Variants in CDH2 observed in about 807,000 individuals in gnomAD.
CDH2 encodes cadherin-2.
CDH2 carries 17 observed loss-of-function variants against 92.0 expected under a neutral mutation model. That is an observed-to-expected ratio of 0.18 (90% CI 0.13 to 0.28). CDH2 has a LOEUF of 0.28. Among genes scored for constraint, CDH2 ranks in the 10% least tolerant of loss-of-function variants. The pLI, the probability that CDH2 is intolerant of heterozygous loss-of-function variation, is 1.00. For missense variants in CDH2, 862 were observed against 1,133.1 expected, an observed-to-expected ratio of 0.76 and a Z score of 3.44; for synonymous variants, 419 against 415.9, an observed-to-expected ratio of 1.01 and a Z score of -0.09.
chr18:28,027,904 T>A (rs1439117970), intron 2 of CDH2, among the ~76,000 whole-genome samples: 18 of 151,848 alleles, frequency 1.2e-4, no homozygotes, highest in Admixed American at 9.2e-4. Context: ...TCACTACCTC[T>A]AATTAAATTA....
intron 8 of CDH2, 41 bp from the exon 9 acceptor site, chr18:27,992,881 C>A: frequency 1.3e-6 from 2 of 1,502,926 alleles, no homozygotes; most frequent in Non-Finnish European, 1.8e-6. Flanking sequence ...GGGGCATGGA[C>A]CACTGAAGGA....
At position 28,105,565 on chromosome 18, in the gene CDH2, A is replaced by G. The variant is rs571327951; in HGVS notation, c.172+42108T>C. On this transcript the variant is annotated intron_variant, in intron 2 of 15. Coordinates refer to ENST00000269141, the MANE Select transcript of CDH2 (RefSeq NM_001792.5). Reference sequence around the variant, plus strand: ...CAATTAAACAGAACATATCAATTATACATAAATTAAAAAATTATTATTATT... The same window carrying G: ...CAATTAAACAGAACATATCAATTATGCATAAATTAAAAAATTATTATTATT... 1.4e-4 allele frequency among the ~76,000 whole-genome samples: 21 copies of G among 152,308 alleles called. 1 individual carries two copies. The highest frequency in any genetic ancestry group is 3.4e-3 in the Middle Eastern group (1 of 294).
chr18:27,960,615 G>A (rs1389708717), intron 15 of CDH2, among the ~76,000 whole-genome samples: 2 of 152,178 alleles, frequency 1.3e-5, no homozygotes, highest in African/African-American at 4.8e-5. Context: ...TACACACAAA[G>A]AGAATCGATG....
At chr18:27,990,936 T>C (rs2012395276) in intron 9 of CDH2, among the ~76,000 whole-genome samples, 1 of 152,200 alleles carries the variant, frequency 6.6e-6, no homozygotes, top group Non-Finnish European at 1.5e-5. Flanking sequence ...ATACTGTTGG[T>C]AGGTGGAAGA....
chr18:28,010,148 G>C (rs2013054150), intron 4 of CDH2, among the ~76,000 whole-genome samples: 1 of 152,172 alleles, frequency 6.6e-6, no homozygotes, highest in African/African-American at 2.4e-5. Flanking sequence ...CTACAAGTGA[G>C]AGTTTTTAAA....
intron 1 of CDH2, among the ~76,000 whole-genome samples, chr18:28,153,285 T>C (rs1232987476): frequency 6.6e-6 from 1 of 152,094 alleles, no homozygotes; most frequent in African/African-American, 2.4e-5. Flanking sequence ...TAGGCAACTG[T>C]TAAGTTATGG....
chr18:28,153,372 G>T (rs1228039860), intron 1 of CDH2, among the ~76,000 whole-genome samples: 2 of 152,062 alleles, frequency 1.3e-5, no homozygotes, highest in Non-Finnish European at 2.9e-5. Context: ...CCAAAATTTG[G>T]TCTCAATAAA....
intron 2 of CDH2, among the ~76,000 whole-genome samples, chr18:28,135,992 G>A (rs1217065981): frequency 6.6e-6 from 1 of 152,144 alleles, no homozygotes; most frequent in African/African-American, 2.4e-5. Context: ...CATAAAACAA[G>A]TATCTGTTGA....
At chr18:28,014,635 T>C (rs1275412151) in intron 2 of CDH2, among the ~76,000 whole-genome samples, 1 of 151,762 alleles carries the variant, frequency 6.6e-6, no homozygotes, top group Non-Finnish European at 1.5e-5. Flanking sequence ...TAAAGGTGTA[T>C]CCCAAAAGAA....
chr18:28,044,387 C>A (rs1363471313), intron 2 of CDH2, among the ~76,000 whole-genome samples: 2 of 152,164 alleles, frequency 1.3e-5, no homozygotes, highest in African/African-American at 4.8e-5. Flanking sequence ...TAAACAATTC[C>A]TTTTGCTTAA....
intron 2 of CDH2, among the ~76,000 whole-genome samples, chr18:28,137,758 T>C (rs1231816850): frequency 6.6e-6 from 1 of 152,046 alleles, no homozygotes; most frequent in Non-Finnish European, 1.5e-5. Flanking sequence ...ATAAATACAT[T>C]CTTAGAAATA....
chr18:28,029,611 C>T (rs1461036506), intron 2 of CDH2, among the ~76,000 whole-genome samples: 1 of 152,088 alleles, frequency 6.6e-6, no homozygotes, highest in African/African-American at 2.4e-5. Context: ...TTTCCTCTTG[C>T]AGAAATGATT....
At chr18:28,007,666 C>G (rs963073247) in intron 5 of CDH2, among the ~76,000 whole-genome samples, 1 of 152,064 alleles carries the variant, frequency 6.6e-6, no homozygotes, top group Non-Finnish European at 1.5e-5. Context: ...AATCTGAATA[C>G]TGAACCTTAA....
At position 28,145,179 on chromosome 18, in the gene CDH2, A is replaced by C. The variant is rs114638391; in HGVS notation, c.172+2494T>G. On this transcript the variant is annotated intron_variant, in intron 2 of 15. Transcript: ENST00000269141. ...TGTATCCTAAGAATGTATATTGTAC[A>C]TACTGGTGAGCCATTGTCATCCTGT... Among the ~76,000 whole-genome samples the C allele has an allele frequency of 4.3e-3, 654 of 152,220 alleles. 2 individuals carry two copies. The highest frequency in any genetic ancestry group is 0.015 in the African/African-American group (630 of 41,560).
At chr18:27,977,341 G>T (rs17445742) in intron 14 of CDH2, among the ~76,000 whole-genome samples, 9,710 of 152,108 alleles carry the variant, frequency 0.064, 360 homozygotes, top group South Asian at 0.1. Flanking sequence ...TAAGAAAAAA[G>T]ATATCGGAGT....
intron 2 of CDH2, among the ~76,000 whole-genome samples, chr18:28,128,014 T>C (rs956843508): frequency 5.3e-5 from 8 of 152,174 alleles, no homozygotes; most frequent in African/African-American, 1.9e-4. Context: ...AGATGATCCA[T>C]TGATCATGAC....
At chr18:28,162,322 T>C (rs2016317923) in intron 1 of CDH2, among the ~76,000 whole-genome samples, 1 of 152,136 alleles carries the variant, frequency 6.6e-6, no homozygotes, top group Non-Finnish European at 1.5e-5. Flanking sequence ...CCTCATGTAC[T>C]TAGGGGAGCA....
chr18:28,038,251 C>T (rs1470494851), intron 2 of CDH2, among the ~76,000 whole-genome samples: 6 of 152,088 alleles, frequency 3.9e-5, no homozygotes, highest in African/African-American at 7.2e-5. Context: ...GGCAAAACTC[C>T]GTATCTACCA....
chr18:27,957,404 C>G (rs1208156928), intron 15 of CDH2, among the ~76,000 whole-genome samples: 1 of 148,094 alleles, frequency 6.8e-6, no homozygotes, highest in East Asian at 2.0e-4. Context: ...TGCCTGCCAC[C>G]ATGCTCGGCT....
Sources: allele counts gnomAD v4.1 joint callset (sites outside exome capture counted in the v4.1 genomes callset), GRCh38; gene constraint gnomAD v4.1.1; transcripts MANE v1.5; gene names NCBI Gene and HGNC (gene_info 2026-07-23, HGNC 2026-07-21).